IKZF4: variants seen among roughly 807,000 people sequenced by gnomAD.
IKZF4 encodes IKAROS family zinc finger 4, also known as zinc finger protein Eos.
In IKZF4, 11 loss-of-function variants were observed where a neutral mutation model predicts 47.7. The observed-to-expected ratio is 0.23, with a 90% CI of 0.15 to 0.38. The LOEUF is 0.38. Among genes scored for constraint, IKZF4 ranks in the 10% least tolerant of loss-of-function variants. The pLI is 1.00. For synonymous variants in IKZF4, 298 were observed against 299.4 expected (o/e 1.00, Z 0.05); for missense variants, 557 against 784.9 (o/e 0.71, Z 3.47).
Position 56,021,103 on chromosome 12 carries a change from G to A in IKZF4, c.-391G>A. ...TCCTCTTTGTCTGCTGGGCACGAGG[G>A]GCAACAGCATCTGCCTTTCCCTCCC... is the stretch of plus-strand genomic sequence containing the variant. On this transcript the variant is annotated 5_prime_UTR_variant, in exon 1 of 8. Transcript: ENST00000547167. 1 of 1,366,004 alleles carries A rather than the reference G, an allele frequency of 7.3e-7. No homozygotes were observed. The highest frequency in any genetic ancestry group is 9.4e-7 in the Non-Finnish European group (1 of 1,060,116). 84.6% of individuals were successfully genotyped at this position (1,366,004 alleles called of 1,614,324 possible).
Position 56,035,335 on chromosome 12 carries a change from C to T in IKZF4, c.*4C>T, listed in dbSNP as rs777172117. On this transcript the variant is annotated 3_prime_UTR_variant, in exon 8 of 8. Coordinates refer to ENST00000547167, the MANE Select transcript of IKZF4 (RefSeq NM_022465.4). This position sits in a 1 kb window ranked among gnomAD's most constrained non-coding sequence, Gnocchi z 6.1. ...GGGGGAGCATAAGGTGGGCTAGCAA[C>T]CTCTCCCTCTCTCCTCAGTCCACCA... 5.0e-6 allele frequency: 8 copies of T among 1,600,764 alleles called. No homozygotes were observed. The South Asian group carries it at 7.9e-5, about 16-fold the overall frequency.
upstream of IKZF4, chr12:56,020,839 C>A (rs1245268509): frequency 1.4e-6 from 1 of 718,394 alleles, no homozygotes; most frequent in Non-Finnish European, 1.7e-6. Flanking sequence ...AGAGAGCAAC[C>A]TTCCTCCTGG....
chr12:56,021,071 G>T lies in IKZF4; in HGVS notation c.-423G>T. 8.2e-7 allele frequency: 1 copy of T among 1,221,058 alleles called. No homozygotes were observed. The highest frequency in any genetic ancestry group is 4.0e-5 in the Admixed American group (1 of 24,866). The allele number at this position is 1,221,058 out of a possible 1,614,324, so 75.6% of individuals were successfully genotyped here. A position where few individuals can be genotyped will look rare whatever the true frequency, so the allele number is the denominator to read the frequency against. On this transcript the variant is annotated 5_prime_UTR_variant, in exon 1 of 8. Coordinates refer to ENST00000547167, the MANE Select transcript of IKZF4 (RefSeq NM_022465.4). ...CTCTTGCCTCTCTCAGGCATTTGTTGTGCAGTTCCTCTTTGTCTGCTGGGC... is the reference window on the plus strand; with the variant it reads ...CTCTTGCCTCTCTCAGGCATTTGTTTTGCAGTTCCTCTTTGTCTGCTGGGC...
intron 7 of IKZF4, among the ~76,000 whole-genome samples, chr12:56,033,813 CAAAG>C (rs901854434): frequency 1.4e-4 from 21 of 152,106 alleles, no homozygotes; most frequent in African/African-American, 4.8e-4. Flanking sequence ...AGGATGTACT[CAAAG>C]AGAGTGGAGA....
chr12:56,020,488 G>A (rs1892709576), upstream of IKZF4, among the ~76,000 whole-genome samples: 1 of 152,208 alleles, frequency 6.6e-6, no homozygotes, highest in African/African-American at 2.4e-5. Flanking sequence ...TTAGTAGAAA[G>A]GGATTCAGGG....
upstream of IKZF4, among the ~76,000 whole-genome samples, chr12:56,018,686 T>G (rs1168587080): frequency 6.6e-6 from 1 of 151,170 alleles, no homozygotes; most frequent in Admixed American, 6.7e-5. Context: ...GCTTTCAGTG[T>G]CCACTAGAAC....
At chr12:56,019,298 G>T, upstream of IKZF4, 1 of 917,604 alleles carries the variant, frequency 1.1e-6, no homozygotes, top group Non-Finnish European at 1.3e-6. Flanking sequence ...ATGACCTATA[G>T]CTTATTTTTT....
chr12:56,035,413 A>G lies in IKZF4; in HGVS notation c.*82A>G, dbSNP rs993085088. On this transcript the variant is annotated 3_prime_UTR_variant, in exon 8 of 8. Transcript: ENST00000547167. The surrounding 1 kb of genome is among the most constrained non-coding windows in gnomAD (Gnocchi z 6.1). ...TCCCTGTCCCCACCATTTCCCAAGG[A>G]GTTTTGCTTTGTAGCCCTCACTACT... 33 of 1,497,006 alleles carry G rather than the reference A, an allele frequency of 2.2e-5. No individual in the cohort carries two copies. In the East Asian group the frequency reaches 2.7e-4, roughly 12 times the overall value. 92.7% of individuals were successfully genotyped at this position (1,497,006 alleles called of 1,614,324 possible).
Position 56,032,512 on chromosome 12 carries a change from G to C in IKZF4, c.716-49G>C, listed in dbSNP as rs765747463. 2.6e-6 allele frequency: 4 copies of C among 1,554,130 alleles called. No homozygotes were observed. The Admixed American group carries it at 8.0e-5, about 31-fold the overall frequency. ...CTCTTGGCTGAATCTGCAGAGCCAG[G>C]GCACAGCGAGAAATAGCTCTGATGC... On this transcript the variant is annotated intron_variant, in intron 5 of 7. Transcript: ENST00000547167.
intron 2 of IKZF4, among the ~76,000 whole-genome samples, chr12:56,015,158 C>A (rs1891859654): frequency 6.6e-6 from 1 of 152,126 alleles, no homozygotes; most frequent in African/African-American, 2.4e-5. Context: ...CTCACTGCAA[C>A]CTCTGTCTCC....
At chr12:56,033,739 A>C (rs182101285) in intron 7 of IKZF4, among the ~76,000 whole-genome samples, 2 of 152,160 alleles carry the variant, frequency 1.3e-5, no homozygotes, top group East Asian at 1.9e-4. Flanking sequence ...GGAAAGAAAG[A>C]AAGCAGGCTG....
chr12:56,020,302 G>T (rs552846369), upstream of IKZF4, among the ~76,000 whole-genome samples: 1 of 152,274 alleles, frequency 6.6e-6, no homozygotes, highest in South Asian at 2.1e-4. Flanking sequence ...TCCCTTCTGG[G>T]GCAGGGAAAA....
At chr12:56,027,650 G>A in intron 4 of IKZF4, 130 bp from the exon 5 acceptor site, 1 of 871,296 alleles carries the variant, frequency 1.1e-6, no homozygotes, top group Non-Finnish European at 1.9e-6. Context: ...TGTGTGCATT[G>A]CACTTCTGCC....
intron 3 of IKZF4, among the ~76,000 whole-genome samples, chr12:56,025,692 A>G (rs533239817): frequency 9.9e-5 from 15 of 152,046 alleles, no homozygotes; most frequent in Admixed American, 3.3e-4. Flanking sequence ...ATGGAGGTGG[A>G]GGGGGTAGAG....
rs67296911 is a variant in IKZF4, at chr12:56,021,688, CTGTGTG to C, written c.87+146_87+151del. On this transcript the variant is annotated intron_variant, in intron 1 of 7. Transcript: ENST00000547167. ...CCTGAGGAGATGGAGAGGATGGGGG[CTGTGTG>C]TGTGTGTGTGTGTGTGTGTGTGTGT... is the stretch of plus-strand genomic sequence containing the variant. 2,183 of 657,390 alleles carry C rather than the reference CTGTGTG, an allele frequency of 3.3e-3. 2 individuals are homozygous for C. The highest frequency in any genetic ancestry group is 3.6e-3 in the South Asian group (185 of 51,146). 40.7% of individuals were successfully genotyped at this position (657,390 alleles called of 1,614,324 possible). A position where few individuals can be genotyped will look rare whatever the true frequency, so the allele number is the denominator to read the frequency against.
chr12:56,012,632 C>G (rs1891481664), intron 2 of IKZF4, among the ~76,000 whole-genome samples: 1 of 151,770 alleles, frequency 6.6e-6, no homozygotes, highest in Admixed American at 6.6e-5. Flanking sequence ...CCTAGAACTC[C>G]TGGCCTCAAG....
At position 56,034,702 on chromosome 12, in the gene IKZF4, G is replaced by T. The variant is rs1340644542; in HGVS notation, c.1129G>T (p.Gly377Cys). ...PGFGSSLAFV[G>C]AEHLRPLRLP... ...CTTTGGAAGTTCCCTGGCCTTTGTGGGTGCAGAGCATCTGCGTCCCCTCCG... is the reference window on the plus strand; with the variant it reads ...CTTTGGAAGTTCCCTGGCCTTTGTGTGTGCAGAGCATCTGCGTCCCCTCCG... The change falls in exon 8 of 8, where the codon GGT (glycine) becomes TGT (cysteine). Residue 377 changes from glycine to cysteine, a missense_variant. Around this residue, in one of 6 missense-constraint regions of IKZF4, gnomAD observed 280 missense variants for 314.0 expected, o/e 0.89. Coordinates refer to ENST00000547167, the MANE Select transcript of IKZF4 (RefSeq NM_022465.4). 1 of 1,614,018 alleles carries T rather than the reference G, an allele frequency of 6.2e-7. No homozygotes were observed. The highest frequency in any genetic ancestry group is 8.5e-7 in the Non-Finnish European group (1 of 1,179,890).
At chr12:56,023,094 C>T (rs914385622) in intron 1 of IKZF4, among the ~76,000 whole-genome samples, 2 of 152,158 alleles carry the variant, frequency 1.3e-5, no homozygotes, top group East Asian at 1.9e-4. Context: ...CCACCGCGCC[C>T]GGCCGCCCTC....
intron 1 of IKZF4, chr12:56,021,924 C>T (rs1051058201): frequency 3.0e-6 from 1 of 332,820 alleles, no homozygotes; most frequent in Non-Finnish European, 5.7e-6. Context: ...TGGAGAAAAT[C>T]AAGGTAAGGA....
Sources: allele counts gnomAD v4.1 joint callset (sites outside exome capture counted in the v4.1 genomes callset), GRCh38; gene constraint gnomAD v4.1.1; regional missense constraint gnomAD v4.1.1; non-coding constraint Gnocchi (gnomAD v3.1); transcripts MANE v1.5; gene names NCBI Gene and HGNC (gene_info 2026-07-23, HGNC 2026-07-21).